The following ZNF564 variants were observed in gnomAD, a reference collection of about 807,000 sequenced individuals.
ZNF564 encodes zinc finger protein 564.
In ZNF564, 5 loss-of-function variants were observed where a neutral mutation model predicts 10.5. That is an observed-to-expected ratio of 0.48 (90% CI 0.25 to 1.00). The LOEUF is 1.00. Ranked by LOEUF, ZNF564 falls within the 50% of genes least tolerant of loss-of-function variation. The pLI is 0.16. For synonymous variants in ZNF564, 242 were observed against 218.1 expected (o/e 1.11, Z -0.97); for missense variants, 603 against 669.7 (o/e 0.90, Z 1.10).
chr19:12,538,126 A>T (rs1423344448), intron 1 of ZNF564, among the ~76,000 whole-genome samples: 1 of 152,136 alleles, frequency 6.6e-6, no homozygotes, highest in African/African-American at 2.4e-5. Context: ...AAATGATTGT[A>T]TAACACACAT....
In ZNF564 at chr19:12,526,581, T is replaced by C. The variant is rs1229687200; in HGVS notation, c.1527A>G (p.Gln509=). The change falls in exon 4 of 4, where the codon CAA becomes CAG. Residue 509 remains glutamine, a synonymous_variant. Transcript: ENST00000339282. ...HTGEKPYECK[Q]CGKTFSYSSS... The stretch of plus-strand genomic sequence containing the variant: ...TGGAATAACTGAACGTTTTTCCACA[T>C]TGCTTACATTCATAGGGTTTTTCTC... The C allele has an allele frequency of 6.2e-7, 1 of 1,614,084 alleles. No homozygotes were observed. Among genetic ancestry groups the C allele is most frequent in the Non-Finnish European group, 8.5e-7 (1 of 1,180,038 alleles).
At chr19:12,544,875 T>C (rs2022121192) in intron 1 of ZNF564, among the ~76,000 whole-genome samples, 1 of 152,194 alleles carries the variant, frequency 6.6e-6, no homozygotes, top group Non-Finnish European at 1.5e-5. Flanking sequence ...CCTAGCAGCC[T>C]GTTTCACCCA....
intron 1 of ZNF564, chr19:12,529,628 T>C (rs899213213): frequency 2.7e-5 from 4 of 149,708 alleles, no homozygotes; most frequent in African/African-American, 9.8e-5. Context: ...TTTAAGATCA[T>C]CATTCCTACC....
At chr19:12,542,577 C>T (rs1048831277) in intron 1 of ZNF564, among the ~76,000 whole-genome samples, 6 of 146,978 alleles carry the variant, frequency 4.1e-5, no homozygotes, top group South Asian at 2.1e-4. Flanking sequence ...GCTATGATCA[C>T]GCCAGTGCAG....
At position 12,527,681 on chromosome 19, in the gene ZNF564, ATT is replaced by A; in HGVS notation, c.425_426del (p.Lys142MetfsTer2). 6.2e-7 allele frequency: 1 copy of A among 1,614,160 alleles called. No individual in the cohort carries two copies. The highest frequency in any genetic ancestry group is 8.5e-7 in the Non-Finnish European group (1 of 1,180,028). On this transcript the variant is annotated frameshift_variant, in exon 4 of 4. Transcript: ENST00000339282. LOFTEE classifies it low-confidence loss of function (END_TRUNC). The stretch of plus-strand genomic sequence containing the variant: ...CTGAAGGCTTTCCCACACTGCTTAC[ATT>A]TATATGGTTTCTCTCCATATTCCTG... Reference protein sequence around the residue: ...DYQEYGEKPYKCKQCGKAFSS... With the variant: ...DYQEYGEKPYXCKQCGKAFSS...
chr19:12,542,050 G>A (rs888365153), intron 1 of ZNF564, among the ~76,000 whole-genome samples: 2 of 120,544 alleles, frequency 1.7e-5, no homozygotes, highest in African/African-American at 3.2e-5. Context: ...GCTATTTCTT[G>A]GCAGGGCATG....
intron 1 of ZNF564, among the ~76,000 whole-genome samples, chr19:12,550,858 A>G (rs2022243346): frequency 6.6e-6 from 1 of 152,178 alleles, no homozygotes; most frequent in Admixed American, 6.6e-5. Context: ...AGAAAAAGCT[A>G]GGCTAAAAAA....
At chr19:12,551,296 C>T in intron 1 of ZNF564, 34 bp downstream of exon 1, 1 of 1,601,820 alleles carries the variant, frequency 6.2e-7, no homozygotes, top group South Asian at 1.1e-5. Context: ...AAGCCCCTCC[C>T]CCAGTCTCCA....
Position 12,527,197 on chromosome 19 carries a change from G to A in ZNF564, c.911C>T (p.Thr304Ile), listed in dbSNP as rs1232749716. 6.2e-7 allele frequency: 1 copy of A among 1,614,152 alleles called. No individual in the cohort carries two copies. The highest frequency in any genetic ancestry group is 8.5e-7 in the Non-Finnish European group (1 of 1,180,044). ...TNFQSHMIRH[T>I]GDGPYKCKVC... is the part of the protein sequence containing the mutation. ...TTTACATTTATAAGGTCCATCCCCA[G>A]TGTGCCTAATCATATGACTTTGAAA... Residue 304 changes from threonine (T) to isoleucine (I), a missense_variant, in exon 4 of 4, where the codon ACT becomes ATT. Physicochemically the swap from Thr to Ile is moderately conservative, Grantham distance 89 (BLOSUM62 -1). Coordinates refer to ENST00000339282, the MANE Select transcript of ZNF564 (RefSeq NM_144976.4).
At chr19:12,532,914 A>G (rs542653540) in intron 1 of ZNF564, 7 of 152,300 alleles carry the variant, frequency 4.6e-5, no homozygotes, top group Admixed American at 2.6e-4. Flanking sequence ...ATCTACTTGT[A>G]TAGTTGGAGA....
chr19:12,540,189 ATT>A (rs1415950097), intron 1 of ZNF564, among the ~76,000 whole-genome samples: 1 of 152,208 alleles, frequency 6.6e-6, no homozygotes, highest in Non-Finnish European at 1.5e-5. Context: ...AGAATGGATG[ATT>A]TGGCTTCTAG....
At chr19:12,538,307 T>A (rs989975562) in intron 1 of ZNF564, among the ~76,000 whole-genome samples, 2 of 151,576 alleles carry the variant, frequency 1.3e-5, no homozygotes, top group Non-Finnish European at 2.9e-5. Flanking sequence ...CTGGACAACA[T>A]AGTGAAATCC....
intron 1 of ZNF564, among the ~76,000 whole-genome samples, chr19:12,539,945 C>A (rs2022008481): frequency 6.7e-6 from 1 of 150,216 alleles, no homozygotes; most frequent in Non-Finnish European, 1.5e-5. Flanking sequence ...CGCGCCACTG[C>A]ACTCCAGCCT....
intron 1 of ZNF564, among the ~76,000 whole-genome samples, chr19:12,539,622 C>T (rs542642990): frequency 1.2e-4 from 18 of 150,194 alleles, no homozygotes; most frequent in Non-Finnish European, 2.1e-4. Context: ...GAGCCGAGAT[C>T]GTGCCACTGC....
chr19:12,534,090 A>G (rs2021861469), intron 1 of ZNF564, among the ~76,000 whole-genome samples: 2 of 152,218 alleles, frequency 1.3e-5, no homozygotes, highest in African/African-American at 4.8e-5. Flanking sequence ...AGGAACCTGC[A>G]GCTAACATCA....
At chr19:12,531,008 A>G (rs2021788767) in intron 1 of ZNF564, among the ~76,000 whole-genome samples, 1 of 152,112 alleles carries the variant, frequency 6.6e-6, no homozygotes, top group African/African-American at 2.4e-5. Flanking sequence ...TCAGCCTCCC[A>G]AAGTGCTGGG....
At chr19:12,548,978 T>A in intron 1 of ZNF564, 1 of 671,480 alleles carries the variant, frequency 1.5e-6, no homozygotes, top group Non-Finnish European at 2.7e-6. Flanking sequence ...TCTGAGATTC[T>A]TATCCGCAGT....
chr19:12,545,582 C>G (rs1328277492), intron 1 of ZNF564, among the ~76,000 whole-genome samples: 1 of 152,210 alleles, frequency 6.6e-6, no homozygotes, highest in Non-Finnish European at 1.5e-5. Context: ...GCCACCCACA[C>G]TTCTGAACAA....
chr19:12,541,040 A>G (rs7246968), intron 1 of ZNF564, among the ~76,000 whole-genome samples: 94,133 of 129,202 alleles, frequency 0.73, 35,818 homozygotes, highest in Middle Eastern at 0.82. Context: ...CCCCAGCCTC[A>G]GGAATGTGGC....
Sources: gnomAD v4.1 joint callset for allele counts (sites outside exome capture counted in the v4.1 genomes callset) on GRCh38, gnomAD v4.1.1 for gene constraint, MANE v1.5 for transcripts, NCBI Gene and HGNC (gene_info 2026-07-23, HGNC 2026-07-21) for gene names.